Variants in GRM7 observed in about 807,000 individuals in gnomAD.
GRM7 encodes the protein glutamate metabotropic receptor 7, also known as metabotropic glutamate receptor 7.
Under a neutral mutation model 84.5 loss-of-function variants are expected in GRM7, and 35 were observed. The observed-to-expected ratio is 0.41, with a 90% CI of 0.32 to 0.55. The LOEUF (loss-of-function observed/expected upper bound fraction) is 0.55, where lower values mean the gene tolerates loss of function less well. Ranked by LOEUF, GRM7 falls within the 20% of genes least tolerant of loss-of-function variation. The pLI is 0.19. For missense variants in GRM7, 1,003 were observed against 1,194.6 expected, an observed-to-expected ratio of 0.84 and a Z score of 2.36; for synonymous variants, 487 against 455.1, an observed-to-expected ratio of 1.07 and a Z score of -0.89.
At chr3:7,178,279 G>C (rs1241255463) in intron 2 of GRM7, among the ~76,000 whole-genome samples, 2 of 152,116 alleles carry the variant, frequency 1.3e-5, no homozygotes, top group African/African-American at 4.8e-5. Context: ...AATTGACTTA[G>C]AAGCTTTTTT....
intron 2 of GRM7, among the ~76,000 whole-genome samples, chr3:7,296,200 T>A (rs1699809934): frequency 6.6e-6 from 1 of 152,110 alleles, no homozygotes; most frequent in Non-Finnish European, 1.5e-5. Context: ...TGATTGATTT[T>A]TCAAATAATA....
chr3:7,543,871 C>G (rs1272363606), intron 7 of GRM7, among the ~76,000 whole-genome samples: 1 of 152,124 alleles, frequency 6.6e-6, no homozygotes. Context: ...GTTTCATCCC[C>G]GGGCTTATAC....
chr3:7,322,774 T>C (rs1848454), intron 4 of GRM7, among the ~76,000 whole-genome samples: 2,037 of 152,190 alleles, frequency 0.013, 52 homozygotes, highest in African/African-American at 0.046. Context: ...CACCTACCAC[T>C]ACTTTCTTTA....
chr3:7,732,949 T>C (rs1333109883), intron 9 of GRM7, among the ~76,000 whole-genome samples: 2 of 151,808 alleles, frequency 1.3e-5, no homozygotes, highest in African/African-American at 4.8e-5. Context: ...AAACAAGGAG[T>C]GGATTATTCA....
intron 1 of GRM7, among the ~76,000 whole-genome samples, chr3:7,129,201 A>G (rs1431479902): frequency 6.6e-6 from 1 of 152,228 alleles, no homozygotes; most frequent in Non-Finnish European, 1.5e-5. Flanking sequence ...CCTGTGATCA[A>G]CAAACAATTG....
intron 1 of GRM7, among the ~76,000 whole-genome samples, chr3:6,919,482 A>G (rs1190231795): frequency 6.6e-6 from 1 of 150,878 alleles, no homozygotes. Flanking sequence ...TGCTGGGATT[A>G]CAGGAGTGAG....
intron 1 of GRM7, among the ~76,000 whole-genome samples, chr3:7,053,204 G>C (rs1697074047): frequency 6.7e-6 from 1 of 148,390 alleles, no homozygotes; most frequent in South Asian, 2.1e-4. Context: ...TATCTTTTTT[G>C]GTAAAATGTC....
intron 7 of GRM7, among the ~76,000 whole-genome samples, chr3:7,473,065 A>G (rs1698767114): frequency 6.6e-6 from 1 of 152,206 alleles, no homozygotes; most frequent in African/African-American, 2.4e-5. Context: ...GCAGTAGCAC[A>G]CAGTAGCTAA....
chr3:7,507,699 T>G (rs1700079901), intron 7 of GRM7, among the ~76,000 whole-genome samples: 1 of 152,250 alleles, frequency 6.6e-6, no homozygotes, highest in Admixed American at 6.5e-5. Context: ...GAGGAAGAAC[T>G]AGATTATTCT....
chr3:7,004,286 A>C (rs1226157960), intron 1 of GRM7, among the ~76,000 whole-genome samples: 1 of 152,194 alleles, frequency 6.6e-6, no homozygotes, highest in Non-Finnish European at 1.5e-5. Flanking sequence ...TTTTTTAAAC[A>C]CAAGAATTAC....
intron 8 of GRM7, among the ~76,000 whole-genome samples, chr3:7,600,720 CAA>C (rs1696268845): frequency 6.6e-6 from 1 of 152,156 alleles, no homozygotes; most frequent in Admixed American, 6.5e-5. Context: ...TCATCTTAAC[CAA>C]AGTTTATTAT....
chr3:7,677,863 C>T (rs914639402), intron 8 of GRM7, among the ~76,000 whole-genome samples: 2 of 152,040 alleles, frequency 1.3e-5, no homozygotes, highest in Non-Finnish European at 2.9e-5. Flanking sequence ...CTAGGTGCAT[C>T]GACAGTGGGC....
intron 1 of GRM7, among the ~76,000 whole-genome samples, chr3:6,962,522 G>T (rs1379846047): frequency 2.0e-5 from 3 of 152,116 alleles, no homozygotes; most frequent in Non-Finnish European, 4.4e-5. Flanking sequence ...TGAATATAAT[G>T]AGATTTTCTT....
At chr3:7,514,893 A>G (rs1188635675) in intron 7 of GRM7, among the ~76,000 whole-genome samples, 3 of 152,110 alleles carry the variant, frequency 2.0e-5, no homozygotes, top group South Asian at 2.1e-4. Context: ...TAATTTCTCT[A>G]AAACCTAATA....
chr3:6,937,912 GATTT>G (rs1475004388), intron 1 of GRM7, among the ~76,000 whole-genome samples: 2 of 152,152 alleles, frequency 1.3e-5, no homozygotes, highest in African/African-American at 4.8e-5. Flanking sequence ...TCTTGTCTAT[GATTT>G]ATTTAGTTAA....
intron 5 of GRM7, among the ~76,000 whole-genome samples, chr3:7,452,296 T>C (rs1227504615): frequency 6.6e-6 from 1 of 152,186 alleles, no homozygotes; most frequent in East Asian, 1.9e-4. Context: ...CTTTTCAGGT[T>C]CGAATGTGGC....
chr3:7,376,613 C>T (rs537245841), intron 4 of GRM7, among the ~76,000 whole-genome samples: 8 of 152,310 alleles, frequency 5.3e-5, no homozygotes, highest in Non-Finnish European at 1.0e-4. Context: ...GCATGTGACC[C>T]GCTGCCCTGA....
chr3:7,323,745 A>G (rs1396405), intron 4 of GRM7, among the ~76,000 whole-genome samples: 74,503 of 151,950 alleles, frequency 0.49, 19,270 homozygotes, highest in African/African-American at 0.67. Flanking sequence ...ACATTGTTAC[A>G]GAAATATTTC....
At chr3:7,372,564 A>G (rs926380093) in intron 4 of GRM7, among the ~76,000 whole-genome samples, 27 of 152,158 alleles carry the variant, frequency 1.8e-4, no homozygotes, top group African/African-American at 5.1e-4. Flanking sequence ...CACAGTTTAG[A>G]CACTGTGATA....
Sources: gnomAD v4.1 joint callset for allele counts (sites outside exome capture counted in the v4.1 genomes callset) on GRCh38, gnomAD v4.1.1 for gene constraint, MANE v1.5 for transcripts, NCBI Gene and HGNC (gene_info 2026-07-23, HGNC 2026-07-21) for gene names.